FAM117B: variants seen among roughly 807,000 people sequenced by gnomAD.
FAM117B encodes protein FAM117B.
A neutral mutation model predicts 52.8 loss-of-function variants in FAM117B; 22 were observed. The observed-to-expected ratio is 0.42, with a 90% CI of 0.30 to 0.59. The LOEUF is 0.59. FAM117B is among the 20% of genes least tolerant of loss of function. The pLI is 0.22. For synonymous variants in FAM117B, 309 were observed against 324.1 expected (o/e 0.95, Z 0.50); for missense variants, 678 against 802.6 (o/e 0.84, Z 1.88).
At chr2:202,725,302 T>TG (rs1335597249) in intron 3 of FAM117B, 2 of 174,580 alleles carry the variant, frequency 1.1e-5, no homozygotes, top group African/African-American at 5.6e-5. Flanking sequence ...ATTTATTCTT[T>TG]TTTTTTTTTT....
At chr2:202,686,539 C>T (rs575311224) in intron 1 of FAM117B, among the ~76,000 whole-genome samples, 10 of 152,294 alleles carry the variant, frequency 6.6e-5, no homozygotes, top group South Asian at 2.1e-4. Context: ...AGGCTGAGCG[C>T]GGTGGCTCAT....
At chr2:202,637,268 T>A (rs1689702242) in intron 1 of FAM117B, among the ~76,000 whole-genome samples, 1 of 152,034 alleles carries the variant, frequency 6.6e-6, no homozygotes, top group Non-Finnish European at 1.5e-5. Flanking sequence ...TATTTTTATT[T>A]ATTTTTTGAG....
At chr2:202,661,596 C>T (rs1690127628) in intron 1 of FAM117B, among the ~76,000 whole-genome samples, 1 of 152,086 alleles carries the variant, frequency 6.6e-6, no homozygotes, top group African/African-American at 2.4e-5. Context: ...CGCTCATCCA[C>T]TTGCTGAGTC....
chr2:202,747,883 A>G (rs756618188), intron 4 of FAM117B, among the ~76,000 whole-genome samples: 10 of 152,256 alleles, frequency 6.6e-5, no homozygotes, highest in Non-Finnish European at 1.3e-4. Context: ...ATCCAAAGCA[A>G]TCTATAGATT....
chr2:202,668,527 CAAAAAAAAAAA>C (rs373784165), intron 1 of FAM117B, among the ~76,000 whole-genome samples: 2 of 71,686 alleles, frequency 2.8e-5, no homozygotes, highest in Non-Finnish European at 5.5e-5. Flanking sequence ...GACTCTCTCT[CAAAAAAAAAAA>C]AAAAAAAAGA....
At chr2:202,645,780 A>G (rs184465283) in intron 1 of FAM117B, among the ~76,000 whole-genome samples, 288 of 149,694 alleles carry the variant, frequency 1.9e-3, no homozygotes, top group African/African-American at 4.6e-3. Flanking sequence ...AATTTTTTGT[A>G]TTTTTAGTAG....
At chr2:202,688,183 C>CA (rs1326291281) in intron 1 of FAM117B, among the ~76,000 whole-genome samples, 1 of 151,872 alleles carries the variant, frequency 6.6e-6, no homozygotes, top group African/African-American at 2.4e-5. Flanking sequence ...TTTGATTATT[C>CA]TTCTGTATGC....
chr2:202,762,935 A>C (rs1279663267), intron 7 of FAM117B, among the ~76,000 whole-genome samples: 1 of 151,854 alleles, frequency 6.6e-6, no homozygotes, highest in Non-Finnish European at 1.5e-5. Flanking sequence ...AGCAGCAAGG[A>C]AGTTACATGG....
At chr2:202,713,537 A>C (rs906337018) in intron 2 of FAM117B, among the ~76,000 whole-genome samples, 1 of 151,672 alleles carries the variant, frequency 6.6e-6, no homozygotes, top group African/African-American at 2.4e-5. Context: ...TCTGATCTCT[A>C]TTATTTTTTC....
At chr2:202,722,922 A>C (rs1218322863) in intron 2 of FAM117B, among the ~76,000 whole-genome samples, 2 of 152,310 alleles carry the variant, frequency 1.3e-5, no homozygotes, top group African/African-American at 4.8e-5. Flanking sequence ...ACTTTATGCT[A>C]TATGGTCCTA....
intron 1 of FAM117B, among the ~76,000 whole-genome samples, chr2:202,642,719 G>T (rs1183332848): frequency 6.6e-6 from 1 of 152,146 alleles, no homozygotes; most frequent in East Asian, 1.9e-4. Context: ...CTCATTTATT[G>T]CAGTTCAGTA....
intron 2 of FAM117B, among the ~76,000 whole-genome samples, chr2:202,700,488 T>C (rs540170189): frequency 1.6e-3 from 239 of 152,318 alleles, no homozygotes; most frequent in African/African-American, 4.2e-3. Flanking sequence ...TCAGTTCTTA[T>C]GAAGGCTAAG....
At chr2:202,676,764 A>G (rs1162089806) in intron 1 of FAM117B, among the ~76,000 whole-genome samples, 1 of 152,178 alleles carries the variant, frequency 6.6e-6, no homozygotes, top group Non-Finnish European at 1.5e-5. Flanking sequence ...TGCCTGCAAG[A>G]GGGGTGCTGC....
intron 4 of FAM117B, among the ~76,000 whole-genome samples, chr2:202,729,135 C>T (rs573749278): frequency 4.6e-5 from 7 of 152,196 alleles, no homozygotes; most frequent in Non-Finnish European, 5.9e-5. Context: ...GTCAGGAGTT[C>T]GAGACTAGCC....
At chr2:202,740,994 T>TG (rs147273401) in intron 4 of FAM117B, among the ~76,000 whole-genome samples, 3,377 of 152,256 alleles carry the variant, frequency 0.022, 123 homozygotes, top group African/African-American at 0.076. Flanking sequence ...TGCTATTTAA[T>TG]GGGGAAACAT....
rs1158185300 is a variant in FAM117B at position 202,673,433 on chromosome 2, G to GTTTTTTTTTTTTTTTTTTTT, written c.602-22435_602-22416dup. The stretch of plus-strand genomic sequence containing the variant: ...TAGCCTACCCTATTTTTCTTTTTCT[G>GTTTTTTTTTTTTTTTTTTTT]TTTTTTTTTTTTTTTTTTTTTTTTT... On this transcript the variant is annotated intron_variant, in intron 1 of 7. Transcript: ENST00000392238. 3.7e-4 allele frequency among the ~76,000 whole-genome samples: 14 copies of GTTTTTTTTTTTTTTTTTTTT among 37,536 alleles called. 2 individuals are homozygous for GTTTTTTTTTTTTTTTTTTTT. The highest frequency in any genetic ancestry group is 1.5e-3 in the Admixed American group (3 of 2,034). 24.6% of individuals were successfully genotyped at this position (37,536 alleles called of 152,430 possible). A position where few individuals can be genotyped will look rare whatever the true frequency, so the allele number is the denominator to read the frequency against.
chr2:202,654,260 C>T (rs1690020491), intron 1 of FAM117B, among the ~76,000 whole-genome samples: 1 of 142,546 alleles, frequency 7.0e-6, no homozygotes, highest in South Asian at 2.5e-4. Context: ...AAAAGTCTAC[C>T]TCAAAAAAAA....
intron 1 of FAM117B, among the ~76,000 whole-genome samples, chr2:202,659,909 G>GCGCC (rs1188358007): frequency 6.6e-6 from 1 of 151,726 alleles, no homozygotes; most frequent in Non-Finnish European, 1.5e-5. Context: ...GTAAGCCACT[G>GCGCC]CGCCCGGCCA....
At chr2:202,697,443 A>AT (rs1454947879) in intron 2 of FAM117B, among the ~76,000 whole-genome samples, 13 of 152,114 alleles carry the variant, frequency 8.5e-5, no homozygotes, top group South Asian at 2.1e-4. Context: ...GATTTAAAAG[A>AT]TTTTTTATAC....
Sources: allele counts gnomAD v4.1 joint callset (sites outside exome capture counted in the v4.1 genomes callset), GRCh38; gene constraint gnomAD v4.1.1; transcripts MANE v1.5; gene names NCBI Gene and HGNC (gene_info 2026-07-23, HGNC 2026-07-21).